Variants in AGPAT3 observed in about 807,000 individuals in gnomAD.
AGPAT3 encodes the protein 1-acyl-sn-glycerol-3-phosphate acyltransferase gamma.
AGPAT3 carries 5 observed loss-of-function variants against 47.3 expected under a neutral mutation model. The ratio of observed to expected loss-of-function variants is 0.11; its 90% CI spans 0.06 to 0.22. The LOEUF (loss-of-function observed/expected upper bound fraction) is 0.22. Among genes scored for constraint, AGPAT3 ranks in the 10% least tolerant of loss-of-function variants. The probability of loss-of-function intolerance (pLI) is 1.00; values close to 1 mark genes in which losing one functional copy is unlikely to be tolerated. For synonymous variants in AGPAT3, 212 were observed against 208.3 expected (o/e 1.02, Z -0.15); for missense variants, 315 against 493.0 (o/e 0.64, Z 3.42).
In AGPAT3 at chr21:43,920,495, CTG is replaced by C. The variant is rs1366140666; in HGVS notation, c.-49+16477_-49+16478del. Among the ~76,000 whole-genome samples the C allele has an allele frequency of 6.6e-6, 1 of 152,064 alleles. No homozygotes were observed. Among genetic ancestry groups the C allele is most frequent in the Non-Finnish European group, 1.5e-5 (1 of 68,012 alleles). Reference sequence around the variant, plus strand: ...TTTTTTGCTAATGAGGTGACTGTGGCTGGGGCTCCAGGACAGCCTCCTGGGGG... The same window carrying C: ...TTTTTTGCTAATGAGGTGACTGTGGCGGGCTCCAGGACAGCCTCCTGGGGG... On this transcript the variant is annotated intron_variant, in intron 2 of 9. Transcript: ENST00000291572. This position sits in a 1 kb window ranked among gnomAD's most constrained non-coding sequence, Gnocchi z 6.1.
intron 3 of AGPAT3, 68 bp downstream of exon 3, chr21:43,959,927 G>A (rs2075910365): frequency 6.8e-7 from 1 of 1,476,190 alleles, no homozygotes; most frequent in Non-Finnish European, 9.1e-7. Flanking sequence ...ACCATGCACG[G>A]GGCAGCCGTG....
intron 7 of AGPAT3, among the ~76,000 whole-genome samples, chr21:43,976,338 T>C (rs887796007): frequency 6.6e-6 from 1 of 152,114 alleles, no homozygotes; most frequent in African/African-American, 2.4e-5. Context: ...TAGCTGGGAT[T>C]ACAGGCACAT....
chr21:43,949,423 T>G, intron 2 of AGPAT3, among the ~76,000 whole-genome samples: 1 of 152,230 alleles, frequency 6.6e-6, no homozygotes, highest in Non-Finnish European at 1.5e-5. Context: ...TTCTGCTCCA[T>G]GTGGGACCAC....
At chr21:43,971,681 G>A (rs1035001638) in intron 7 of AGPAT3, among the ~76,000 whole-genome samples, 191 bp downstream of exon 7, 2 of 152,206 alleles carry the variant, frequency 1.3e-5, no homozygotes, top group Non-Finnish European at 2.9e-5. Context: ...GGACTCGTCC[G>A]GGGCTTGGGT....
At chr21:43,953,797 T>G (rs1482048700) in intron 2 of AGPAT3, among the ~76,000 whole-genome samples, 1 of 152,216 alleles carries the variant, frequency 6.6e-6, no homozygotes, top group Non-Finnish European at 1.5e-5. Context: ...ATCTACAATA[T>G]GCCAGACTTT....
At chr21:43,946,599 TAA>T (rs36037106) in intron 2 of AGPAT3, among the ~76,000 whole-genome samples, 17 of 133,442 alleles carry the variant, frequency 1.3e-4, no homozygotes, top group Admixed American at 3.0e-4. Context: ...GACTCCTTCT[TAA>T]AAAAAAAAAA....
At chr21:43,878,017 C>T (rs1026191650) in intron 1 of AGPAT3, among the ~76,000 whole-genome samples, 3 of 152,024 alleles carry the variant, frequency 2.0e-5, no homozygotes, top group African/African-American at 4.8e-5. Flanking sequence ...TGCGTGGGGT[C>T]GCTCCAGCTC....
intron 2 of AGPAT3, among the ~76,000 whole-genome samples, chr21:43,946,254 A>G (rs537609687): frequency 1.3e-5 from 2 of 152,340 alleles, no homozygotes; most frequent in South Asian, 2.1e-4. Context: ...CATCCCCAGC[A>G]GAAACCAGAA....
At chr21:43,929,667 A>G (rs1015389522) in intron 2 of AGPAT3, among the ~76,000 whole-genome samples, 1 of 152,176 alleles carries the variant, frequency 6.6e-6, no homozygotes, top group African/African-American at 2.4e-5. Flanking sequence ...GACAGGGGAC[A>G]CCTGCAGAGG....
chr21:43,930,000 C>T (rs1008875190), intron 2 of AGPAT3, among the ~76,000 whole-genome samples: 13 of 152,214 alleles, frequency 8.5e-5, no homozygotes, highest in South Asian at 2.1e-4. Flanking sequence ...CCAGGCGTGC[C>T]GGAGAGAGAG....
chr21:43,866,650 C>T (rs1449404329), intron 1 of AGPAT3: 1 of 152,268 alleles, frequency 6.6e-6, no homozygotes, highest in Non-Finnish European at 1.5e-5. Flanking sequence ...CAACTCGCTT[C>T]TTGTATCCAT....
intron 1 of AGPAT3, among the ~76,000 whole-genome samples, chr21:43,873,326 G>A (rs2085663117): frequency 6.6e-6 from 1 of 152,212 alleles, no homozygotes; most frequent in Non-Finnish European, 1.5e-5. Context: ...GATAACGCTG[G>A]GTGGAAGGAG....
chr21:43,890,826 C>CACTTTAA (rs2086087939), intron 1 of AGPAT3, among the ~76,000 whole-genome samples: 2 of 152,074 alleles, frequency 1.3e-5, no homozygotes, highest in African/African-American at 4.8e-5. Flanking sequence ...CAACCTCTAC[C>CACTTTAA]TCCCAGGTTA....
chr21:43,952,897 C>T lies in AGPAT3; in HGVS notation c.-48-6737C>T, dbSNP rs766319746. Among the ~76,000 whole-genome samples the T allele has an allele frequency of 5.3e-5, 8 of 152,090 alleles. No individual in the cohort carries two copies. Among genetic ancestry groups the T allele is most frequent in the South Asian group, 2.1e-4 (1 of 4,820 alleles). ...CCCTGTGTGGCTCTTCTATCCCAGG[C>T]GTTCTCCAAGGTCCCCAGGGTGCTG... On this transcript the variant is annotated intron_variant, in intron 2 of 9. Coordinates refer to ENST00000291572, the MANE Select transcript of AGPAT3 (RefSeq NM_020132.5). This position sits in a 1 kb window ranked among gnomAD's most constrained non-coding sequence, Gnocchi z 5.6.
chr21:43,896,882 T>C (rs892576938), intron 1 of AGPAT3, among the ~76,000 whole-genome samples: 2 of 151,846 alleles, frequency 1.3e-5, no homozygotes, highest in African/African-American at 4.8e-5. Context: ...AAATCTGAAA[T>C]GTATCTCTTG....
intron 2 of AGPAT3, chr21:43,925,585 C>T (rs78511697): frequency 0.026 from 3,927 of 152,562 alleles, 64 homozygotes; most frequent in Middle Eastern, 0.078. Flanking sequence ...AGACCCCATG[C>T]TGTCTCCAAG....
chr21:43,961,690 T>A (rs891263712), intron 3 of AGPAT3, among the ~76,000 whole-genome samples: 2 of 151,904 alleles, frequency 1.3e-5, no homozygotes, highest in African/African-American at 4.8e-5. Flanking sequence ...ATACTTTGTC[T>A]CATGTGGGAA....
chr21:43,877,784 C>A (rs2085766651), intron 1 of AGPAT3, among the ~76,000 whole-genome samples: 1 of 152,138 alleles, frequency 6.6e-6, no homozygotes, highest in Non-Finnish European at 1.5e-5. Flanking sequence ...GGATATCTTC[C>A]CAGCAGGCCC....
chr21:43,947,681 T>C (rs1182344447), intron 2 of AGPAT3, among the ~76,000 whole-genome samples: 2 of 139,900 alleles, frequency 1.4e-5, no homozygotes, highest in Non-Finnish European at 3.3e-5. Flanking sequence ...TGCTGCTGTT[T>C]CTTTTCTTTT....
Sources: allele counts gnomAD v4.1 joint callset (sites outside exome capture counted in the v4.1 genomes callset), GRCh38; gene constraint gnomAD v4.1.1; non-coding constraint Gnocchi (gnomAD v3.1); transcripts MANE v1.5; gene names NCBI Gene and HGNC (gene_info 2026-07-23, HGNC 2026-07-21).